SIGIRR: variants seen among roughly 807,000 people sequenced by gnomAD.
The protein encoded by SIGIRR is single Ig and TIR domain containing.
SIGIRR carries 41 observed loss-of-function variants against 45.6 expected under a neutral mutation model. That is an observed-to-expected ratio of 0.90 (90% CI 0.70 to 1.17). The LOEUF is 1.17. Among genes scored for constraint, SIGIRR ranks in the 50% most tolerant of loss-of-function variants. SIGIRR has a pLI of 0.00. For missense variants in SIGIRR, 599 were observed against 539.6 expected (o/e 1.11, Z -1.09); for synonymous variants, 298 against 239.0 (o/e 1.25, Z -2.28).
chr11:416,264 G>A (rs1386560187), upstream of SIGIRR, among the ~76,000 whole-genome samples: 3 of 152,108 alleles, frequency 2.0e-5, no homozygotes, highest in Non-Finnish European at 4.4e-5. The surrounding 1 kb of genome is among the most constrained non-coding windows in gnomAD (Gnocchi z 9.1). Context: ...CAACTGTGAA[G>A]CCCCGGCTCG....
rs966208514 is a variant in SIGIRR at position 407,623 on chromosome 11, G to C, written c.482-55C>G. 53 of 1,586,638 alleles carry C rather than the reference G, an allele frequency of 3.3e-5. No homozygotes were observed. In the East Asian group the frequency reaches 9.6e-4, roughly 29 times the overall value. On this transcript the variant is annotated intron_variant, in intron 5 of 9. Transcript: ENST00000431843. ...CTCCCGAGGCCTCACACCAGCCCTC[G>C]GGGTCCCCAACACCCCTAACCATCT... is the stretch of plus-strand genomic sequence containing the variant.
chr11:408,809 T>A lies in SIGIRR; in HGVS notation c.92A>T (p.Asn31Ile), dbSNP rs765132654. 2 of 1,612,708 alleles carry A rather than the reference T, an allele frequency of 1.2e-6. No homozygotes were observed. The highest frequency in any genetic ancestry group is 1.7e-6 in the Non-Finnish European group (2 of 1,179,978). ...CCCAGAGACTACCCAAGCCGTGCAGTTCAGAGCCACTGAGCTGCCCAAGGC... is the reference window on the plus strand; with the variant it reads ...CCCAGAGACTACCCAAGCCGTGCAGATCAGAGCCACTGAGCTGCCCAAGGC... ...RPALGSSVAL[N>I]CTAWVVSGPH... is the part of the protein sequence containing the mutation. Residue 31 changes from asparagine to isoleucine, a missense_variant, in exon 3 of 10, where the codon AAC becomes ATC. Coordinates refer to ENST00000431843, the MANE Select transcript of SIGIRR (RefSeq NM_001135054.2).
chr11:406,236 C>T (rs1298692005), intron 9 of SIGIRR, 113 bp downstream of exon 9: 2 of 1,542,240 alleles, frequency 1.3e-6, no homozygotes, highest in African/African-American at 2.7e-5. Flanking sequence ...GCTCCCGGTG[C>T]CGGGAAGAGT....
chr11:411,556 G>T, intron 1 of SIGIRR, among the ~76,000 whole-genome samples: 1 of 88,270 alleles, frequency 1.1e-5, no homozygotes, highest in Non-Finnish European at 2.5e-5. Context: ...ATGCAGTCGG[G>T]GAGGGGGGTG....
chr11:406,139 C>CA, intron 9 of SIGIRR, 80 bp from the exon 10 acceptor site: 1 of 1,539,052 alleles, frequency 6.5e-7, no homozygotes, highest in Non-Finnish European at 8.7e-7. Context: ...TGCCCCTGCT[C>CA]ACCCCCTGCT....
intron 2 of SIGIRR, chr11:409,361 C>A: frequency 3.4e-6 from 1 of 296,636 alleles, no homozygotes; most frequent in South Asian, 3.4e-5. Flanking sequence ...CCCAGTGTGC[C>A]AGCACCTTCC....
intron 2 of SIGIRR, 170 bp downstream of exon 2, chr11:409,698 G>A (rs1847501338): frequency 1.5e-6 from 1 of 652,292 alleles, no homozygotes; most frequent in Non-Finnish European, 2.3e-6. Flanking sequence ...CACTCGCCCT[G>A]GTTTCAGGGC....
intron 5 of SIGIRR, 86 bp downstream of exon 5, chr11:407,731 C>G: frequency 1.3e-6 from 2 of 1,586,420 alleles, no homozygotes; most frequent in Non-Finnish European, 1.7e-6. Context: ...CCCCTCCCCG[C>G]CGCACGCCTC....
chr11:406,268 C>CAGGCCCT (rs1483230673), intron 9 of SIGIRR, 81 bp downstream of exon 9: 9 of 1,557,358 alleles, frequency 5.8e-6, no homozygotes, highest in Non-Finnish European at 7.8e-6. Flanking sequence ...GGAGCCCCTC[C>CAGGCCCT]AGGCCCTGTG....
chr11:409,789 G>C, intron 2 of SIGIRR, 79 bp downstream of exon 2: 1 of 1,350,606 alleles, frequency 7.4e-7, no homozygotes. Flanking sequence ...ATAAGAGCAG[G>C]ATGCACAATG....
chr11:408,092 G>A lies in SIGIRR; in HGVS notation c.321C>T (p.Ser107=), dbSNP rs1258591993. ...TCSIQNISFS[S]FTLQRAGPTS... Reference sequence around the variant, plus strand: ...CATCACCAGCTCTCTGAAGAGTGAAGGAGGAGAAGCTGATGTTCTGGATGG... The same window carrying A: ...CATCACCAGCTCTCTGAAGAGTGAAAGAGGAGAAGCTGATGTTCTGGATGG... The change falls in exon 4 of 10, where the codon TCC becomes TCT. Residue 107 remains serine, a synonymous_variant. Coordinates refer to ENST00000431843, the MANE Select transcript of SIGIRR (RefSeq NM_001135054.2). The A allele has an allele frequency of 1.2e-6, 2 of 1,612,806 alleles. No individual in the cohort carries two copies. The highest frequency in any genetic ancestry group is 1.7e-5 in the Admixed American group (1 of 60,026).
chr11:413,160 T>C (rs376653316), intron 1 of SIGIRR, among the ~76,000 whole-genome samples: 2 of 152,118 alleles, frequency 1.3e-5, no homozygotes, highest in Non-Finnish European at 1.5e-5. Flanking sequence ...TCCCTCAGGA[T>C]TCCTCCCCGC....
intron 2 of SIGIRR, chr11:409,266 C>T (rs560396978): frequency 3.1e-5 from 13 of 420,978 alleles, no homozygotes; most frequent in Middle Eastern, 3.5e-4. Context: ...TAGGAGGGGC[C>T]GGGCACTGCA....
Position 410,679 on chromosome 11 carries a change from TC to T in SIGIRR, c.-153-653del, listed in dbSNP as rs549030986. ...GATACAGCCGGGGGGGGTGCCCAGC[TC>T]TGACCATGTCTGGATGCAGTCAGGG... On this transcript the variant is annotated intron_variant, in intron 1 of 9. Transcript: ENST00000431843. Among the ~76,000 whole-genome samples the T allele has an allele frequency of 2.3e-4, 16 of 70,078 alleles. 2 individuals carry two copies. Among genetic ancestry groups the T allele is most frequent in the African/African-American group, 1.0e-3 (16 of 15,654 alleles). The allele number at this position is 70,078 out of a possible 152,430, so 46.0% of individuals were successfully genotyped here.
At chr11:407,364 C>CGTGGG (rs1847381115) in intron 6 of SIGIRR, 61 bp downstream of exon 6, 2 of 1,313,226 alleles carry the variant, frequency 1.5e-6, no homozygotes, top group Non-Finnish European at 2.0e-6. Context: ...TGGGACGGAG[C>CGTGGG]ATGGGGCGGG....
upstream of SIGIRR, among the ~76,000 whole-genome samples, chr11:415,731 G>C (rs1193654295): frequency 6.6e-6 from 1 of 152,190 alleles, no homozygotes; most frequent in African/African-American, 2.4e-5. The surrounding 1 kb of genome is among the most constrained non-coding windows in gnomAD (Gnocchi z 6.6). Flanking sequence ...ACAGGTGGCC[G>C]AGGCTCCTGG....
chr11:408,811 C>G lies in SIGIRR; in HGVS notation c.90G>C (p.Leu30=). ...LRPALGSSVA[L]NCTAWVVSGP... is the part of the protein sequence containing the mutation. ...CAGAGACTACCCAAGCCGTGCAGTT[C>G]AGAGCCACTGAGCTGCCCAAGGCAG... Residue 30 remains leucine, a synonymous_variant, in exon 3 of 10, where the codon CTG becomes CTC. Coordinates refer to ENST00000431843, the MANE Select transcript of SIGIRR (RefSeq NM_001135054.2). The G allele has an allele frequency of 6.2e-7, 1 of 1,612,830 alleles. No individual in the cohort carries two copies. The highest frequency in any genetic ancestry group is 2.2e-5 in the East Asian group (1 of 44,892).
At chr11:410,580 G>A (rs191409337) in intron 1 of SIGIRR, among the ~76,000 whole-genome samples, 9 of 120,992 alleles carry the variant, frequency 7.4e-5, no homozygotes, top group South Asian at 3.4e-4. Context: ...TACAGTCGGC[G>A]GGGGGCTTTG....
At position 408,657 on chromosome 11, in the gene SIGIRR, G is replaced by A. The variant is rs375085733; in HGVS notation, c.206+38C>T. Reference sequence around the variant, plus strand: ...GGAGACCACTGCCCTTGGCATGTCTGAGAGGTCACTCTGACCCTGGATACC... The same window carrying A: ...GGAGACCACTGCCCTTGGCATGTCTAAGAGGTCACTCTGACCCTGGATACC... On this transcript the variant is annotated intron_variant, in intron 3 of 9. Coordinates refer to ENST00000431843, the MANE Select transcript of SIGIRR (RefSeq NM_001135054.2). The A allele has an allele frequency of 1.2e-5, 19 of 1,608,390 alleles. 1 individual carries two copies. Among genetic ancestry groups the A allele is most frequent in the Middle Eastern group, 1.8e-4 (1 of 5,600 alleles).
Sources: allele counts gnomAD v4.1 joint callset (sites outside exome capture counted in the v4.1 genomes callset), GRCh38; gene constraint gnomAD v4.1.1; non-coding constraint Gnocchi (gnomAD v3.1); transcripts MANE v1.5; gene names NCBI Gene and HGNC (gene_info 2026-07-23, HGNC 2026-07-21).